Variants in CDH18 observed in about 807,000 individuals in gnomAD.
The protein encoded by CDH18 is cadherin-18.
A neutral mutation model predicts 67.9 loss-of-function variants in CDH18; 31 were observed. That is an observed-to-expected ratio of 0.46 (90% confidence interval 0.34 to 0.62). The LOEUF (loss-of-function observed/expected upper bound fraction) is 0.62. Ranked by LOEUF, CDH18 falls within the 20% of genes least tolerant of loss-of-function variation. The probability of loss-of-function intolerance (pLI) is 0.01; values close to 1 mark genes in which losing one functional copy is unlikely to be tolerated. For missense variants in CDH18, 890 were observed against 975.5 expected (o/e 0.91, Z 1.17); for synonymous variants, 362 against 347.2 (o/e 1.04, Z -0.48).
intron 1 of CDH18, among the ~76,000 whole-genome samples, chr5:20,458,655 A>T (rs1050429852): frequency 5.9e-5 from 9 of 152,148 alleles, no homozygotes; most frequent in African/African-American, 1.2e-4. Context: ...ACCCATATGT[A>T]TTCTATTGCT....
chr5:19,818,564 T>C (rs1779533034), intron 3 of CDH18, among the ~76,000 whole-genome samples: 1 of 152,172 alleles, frequency 6.6e-6, no homozygotes, highest in African/African-American at 2.4e-5. Flanking sequence ...TTCTGAGAAG[T>C]GCATCGTTAA....
At chr5:20,115,270 CTT>C (rs753438800) in intron 2 of CDH18, among the ~76,000 whole-genome samples, 1 of 58,136 alleles carries the variant, frequency 1.7e-5, no homozygotes, top group African/African-American at 7.4e-5. Flanking sequence ...AGGGCCTCAT[CTT>C]TTTTTTTTTT....
chr5:20,013,258 C>A (rs1737611463), intron 2 of CDH18, among the ~76,000 whole-genome samples: 1 of 152,000 alleles, frequency 6.6e-6, no homozygotes, highest in Non-Finnish European at 1.5e-5. Context: ...CAAGGGCAAG[C>A]ATCATTGTTT....
At chr5:19,738,143 C>G (rs1369355063) in intron 4 of CDH18, among the ~76,000 whole-genome samples, 1 of 151,834 alleles carries the variant, frequency 6.6e-6, no homozygotes, top group Non-Finnish European at 1.5e-5. Flanking sequence ...TAGTTTTAGA[C>G]ACTTTGTTAG....
chr5:20,172,544 T>C (rs376086512), intron 2 of CDH18, among the ~76,000 whole-genome samples: 5 of 152,032 alleles, frequency 3.3e-5, no homozygotes, highest in South Asian at 4.2e-4. Flanking sequence ...CACAGTGGTT[T>C]TCTTGTGAAC....
chr5:19,976,076 G>A (rs1298965455), intron 2 of CDH18, among the ~76,000 whole-genome samples: 3 of 152,038 alleles, frequency 2.0e-5, no homozygotes, highest in Non-Finnish European at 2.9e-5. Context: ...AGCAAATTTC[G>A]ACCCAGTGAA....
At chr5:20,389,022 C>T (rs1744579196) in intron 1 of CDH18, among the ~76,000 whole-genome samples, 2 of 152,002 alleles carry the variant, frequency 1.3e-5, no homozygotes, top group Non-Finnish European at 2.9e-5. Context: ...GAAGGATGTA[C>T]ATTCTGTTGA....
At chr5:19,689,805 T>C (rs1180922998) in intron 5 of CDH18, among the ~76,000 whole-genome samples, 1 of 151,852 alleles carries the variant, frequency 6.6e-6, no homozygotes, top group Non-Finnish European at 1.5e-5. Context: ...ATTAGACTTT[T>C]TACTTAAAAT....
chr5:19,843,765 C>T (rs1782610184), intron 2 of CDH18, among the ~76,000 whole-genome samples: 1 of 152,192 alleles, frequency 6.6e-6, no homozygotes, highest in African/African-American at 2.4e-5. Flanking sequence ...AGTGGAGCTA[C>T]CCTAGGCCAT....
At chr5:20,303,533 A>G (rs1416061919) in intron 1 of CDH18, among the ~76,000 whole-genome samples, 3 of 152,184 alleles carry the variant, frequency 2.0e-5, no homozygotes, top group African/African-American at 4.8e-5. Flanking sequence ...CAAAATAAAA[A>G]TAAAGCAGAG....
intron 2 of CDH18, among the ~76,000 whole-genome samples, chr5:19,902,021 A>C (rs1037381351): frequency 3.9e-5 from 6 of 152,070 alleles, no homozygotes; most frequent in Non-Finnish European, 7.4e-5. Context: ...TTCTTGTATC[A>C]AAAAAACATG....
chr5:19,496,535 G>A (rs1038813561), intron 11 of CDH18, among the ~76,000 whole-genome samples: 1 of 151,984 alleles, frequency 6.6e-6, no homozygotes, highest in African/African-American at 2.4e-5. Context: ...CTTTCAGGCC[G>A]GGCACATTGA....
intron 2 of CDH18, among the ~76,000 whole-genome samples, chr5:19,871,659 T>A (rs1410775465): frequency 1.3e-5 from 2 of 152,142 alleles, no homozygotes; most frequent in Non-Finnish European, 2.9e-5. Flanking sequence ...TACTGTAAAT[T>A]AGAGACCAGA....
intron 8 of CDH18, among the ~76,000 whole-genome samples, chr5:19,550,329 C>T (rs550316853): frequency 1.3e-4 from 20 of 151,926 alleles, no homozygotes; most frequent in East Asian, 9.7e-4. Context: ...TTGTTACATA[C>T]GTATACATGT....
intron 1 of CDH18, among the ~76,000 whole-genome samples, chr5:20,263,464 T>C (rs989146462): frequency 1.2e-4 from 19 of 152,212 alleles, no homozygotes; most frequent in Admixed American, 4.6e-4. Flanking sequence ...ATTTGTCTCA[T>C]GGATTTGACA....
At chr5:19,696,095 C>G (rs986097190) in intron 5 of CDH18, among the ~76,000 whole-genome samples, 13 of 151,896 alleles carry the variant, frequency 8.6e-5, no homozygotes, top group African/African-American at 3.1e-4. Flanking sequence ...CATGATAAAC[C>G]TAGAAAGAAC....
chr5:20,390,508 G>A (rs1233915551), intron 1 of CDH18, among the ~76,000 whole-genome samples: 2 of 152,116 alleles, frequency 1.3e-5, no homozygotes, highest in Non-Finnish European at 2.9e-5. Flanking sequence ...GAGAGGATGT[G>A]GAGAAATAGG....
intron 2 of CDH18, among the ~76,000 whole-genome samples, chr5:19,913,274 T>C (rs183301544): frequency 1.3e-5 from 2 of 151,966 alleles, no homozygotes; most frequent in African/African-American, 4.8e-5. Context: ...TTTTTTCTCA[T>C]ATATGTTTTT....
intron 1 of CDH18, among the ~76,000 whole-genome samples, chr5:20,378,971 GCA>G (rs1213900876): frequency 6.6e-6 from 1 of 152,052 alleles, no homozygotes; most frequent in Non-Finnish European, 1.5e-5. Flanking sequence ...GGAAAAGATT[GCA>G]CATACTACAA....
Sources: gnomAD v4.1 joint callset for allele counts (sites outside exome capture counted in the v4.1 genomes callset) on GRCh38, gnomAD v4.1.1 for gene constraint, MANE v1.5 for transcripts, NCBI Gene and HGNC (gene_info 2026-07-23, HGNC 2026-07-21) for gene names.